CLBA1: variants seen among roughly 807,000 people sequenced by gnomAD.
The protein encoded by CLBA1 is uncharacterized protein CLBA1.
A neutral mutation model predicts 28.8 loss-of-function variants in CLBA1; 30 were observed. The observed-to-expected ratio is 1.04, with a 90% CI of 0.78 to 1.41. CLBA1 has a LOEUF of 1.41. Among genes scored for constraint, CLBA1 ranks in the 40% most tolerant of loss-of-function variants. CLBA1 has a pLI of 0.00. For synonymous variants in CLBA1, 160 were observed against 152.8 expected (o/e 1.05, Z -0.35); for missense variants, 451 against 412.3 (o/e 1.09, Z -0.81).
rs981145477 is a variant in CLBA1 at position 104,986,047 on chromosome 14, C to A, written c.-385C>A. On this transcript the variant is annotated 5_prime_UTR_variant, in exon 1 of 5. Coordinates refer to ENST00000547315, the MANE Select transcript of CLBA1 (RefSeq NM_174891.4). ...CCTTCCCACTTGGGACTCCCGCGGG[C>A]GCCCGGCTCTCGCTCCTCTGGCCAG... 3.9e-6 allele frequency: 1 copy of A among 254,542 alleles called. No individual in the cohort carries two copies. Among genetic ancestry groups the A allele is most frequent in the East Asian group, 9.8e-5 (1 of 10,168 alleles). 15.8% of individuals were successfully genotyped at this position (254,542 alleles called of 1,614,324 possible). A position where few individuals can be genotyped will look rare whatever the true frequency, so the allele number is the denominator to read the frequency against.
downstream of CLBA1, among the ~76,000 whole-genome samples, chr14:104,999,897 A>G (rs1900233838): frequency 6.6e-6 from 1 of 152,246 alleles, no homozygotes; most frequent in African/African-American, 2.4e-5. Context: ...AAAAGAGCAA[A>G]TTAAACCAAA....
chr14:104,991,593 T>C lies in CLBA1; in HGVS notation c.672T>C (p.Leu224=). The C allele has an allele frequency of 1.2e-6, 2 of 1,613,410 alleles. No individual in the cohort carries two copies. Among genetic ancestry groups the C allele is most frequent in the Non-Finnish European group, 1.7e-6 (2 of 1,179,678 alleles). ...SESRCQENFF[L]VLGIDAAQKN... ...CCCGTTGCCAGGAGAACTTCTTTCT[T>C]GTTCTCGGAATAGATGCTGCGCAGA... Residue 224 remains leucine, a synonymous_variant, in exon 3 of 5, where the codon CTT becomes CTC. Transcript: ENST00000547315.
At chr14:104,990,810 A>C (rs1440908750) in intron 2 of CLBA1, 2 of 153,430 alleles carry the variant, frequency 1.3e-5, no homozygotes, top group Non-Finnish European at 2.9e-5. Context: ...GAACAAAACC[A>C]GCAAAATATC....
At chr14:104,991,721 T>G (rs988536890) in intron 3 of CLBA1, 101 bp downstream of exon 3, 7 of 1,433,046 alleles carry the variant, frequency 4.9e-6, no homozygotes, top group Non-Finnish European at 6.5e-6. Flanking sequence ...CAGGCAGAGG[T>G]GTGGGTTCAG....
Position 104,993,081 on chromosome 14 carries a change from G to A in CLBA1, c.816+17G>A. On this transcript the variant is annotated intron_variant, in intron 4 of 4. Transcript: ENST00000547315. ...CAGACCAAGGTGAGTGGTCACCAAG[G>A]AGAGGCCTCAGGGAACCGCGCTGGC... is the stretch of plus-strand genomic sequence containing the variant. 2 of 1,609,760 alleles carry A rather than the reference G, an allele frequency of 1.2e-6. No individual in the cohort carries two copies.
At chr14:104,999,826 G>T (rs1414844375), downstream of CLBA1, among the ~76,000 whole-genome samples, 3 of 152,218 alleles carry the variant, frequency 2.0e-5, no homozygotes, top group Non-Finnish European at 4.4e-5. Flanking sequence ...AGCTTTAAAT[G>T]TTTATATTAG....
In CLBA1 at chr14:104,988,888, A is replaced by G. The variant is rs577571539; in HGVS notation, c.424-55A>G. The G allele has an allele frequency of 1.3e-5, 19 of 1,487,000 alleles. No individual in the cohort carries two copies. The South Asian group carries it at 1.9e-4, about 15-fold the overall frequency. The allele number at this position is 1,487,000 out of a possible 1,614,324, so 92.1% of individuals were successfully genotyped here. Reference sequence around the variant, plus strand: ...ACAATTATTTCTTTGGAATAAGGTAACGTTATGTATGTCTTTCTCCTAACT... The same window carrying G: ...ACAATTATTTCTTTGGAATAAGGTAGCGTTATGTATGTCTTTCTCCTAACT... On this transcript the variant is annotated intron_variant, in intron 1 of 4. Transcript: ENST00000547315.
rs1899853484 is a variant in CLBA1 at position 104,986,321 on chromosome 14, G to A, written c.-111G>A. 3 of 1,172,608 alleles carry A rather than the reference G, an allele frequency of 2.6e-6. No individual in the cohort carries two copies. In the African/African-American group the frequency reaches 4.6e-5, roughly 18 times the overall value. The allele number at this position is 1,172,608 out of a possible 1,614,324, so 72.6% of individuals were successfully genotyped here. ...CCGGGGCACTCCTGCAGCGTCCCCT[G>A]GCCCTCTCCAGGGCAGGGGAAGGTT... is the stretch of plus-strand genomic sequence containing the variant. On this transcript the variant is annotated 5_prime_UTR_variant, in exon 1 of 5. Coordinates refer to ENST00000547315, the MANE Select transcript of CLBA1 (RefSeq NM_174891.4).
At chr14:104,992,911 G>A (rs1444531585) in intron 3 of CLBA1, 37 bp from the exon 4 acceptor site, 1 of 1,485,020 alleles carries the variant, frequency 6.7e-7, no homozygotes, top group Admixed American at 1.7e-5. Flanking sequence ...ACAAAATGAT[G>A]ACTGTACCGG....
At position 104,991,478 on chromosome 14, in the gene CLBA1, A is replaced by G. The variant is rs1900017999; in HGVS notation, c.570-13A>G. 1 of 1,613,510 alleles carries G rather than the reference A, an allele frequency of 6.2e-7. No individual in the cohort carries two copies. The highest frequency in any genetic ancestry group is 8.5e-7 in the Non-Finnish European group (1 of 1,179,650). ...CTCAAGGTCACCTTTTAACAAGTGC[A>G]TCTGTTTTCCAGTAACGAATCCAGA... On this transcript the variant is annotated splice_polypyrimidine_tract_variant and intron_variant, in intron 2 of 4. Coordinates refer to ENST00000547315, the MANE Select transcript of CLBA1 (RefSeq NM_174891.4).
At chr14:104,998,985 G>C (rs536463862), downstream of CLBA1, among the ~76,000 whole-genome samples, 1 of 152,242 alleles carries the variant, frequency 6.6e-6, no homozygotes, top group Non-Finnish European at 1.5e-5. Context: ...TGCAGTCAGT[G>C]CTGAGTAGAG....
chr14:104,994,184 T>G, intron 4 of CLBA1: 1 of 985,408 alleles, frequency 1.0e-6, no homozygotes, highest in Non-Finnish European at 1.2e-6. Context: ...GTGGCTGTGT[T>G]GTTCACAGCA....
In CLBA1 at chr14:104,992,993, A is replaced by C. The variant is rs1362431025; in HGVS notation, c.745A>C (p.Lys249Gln). 1 of 1,614,052 alleles carries C rather than the reference A, an allele frequency of 6.2e-7. No individual in the cohort carries two copies. The change falls in exon 4 of 5, where the codon AAA becomes CAA. Residue 249 changes from lysine to glutamine, a missense_variant. Transcript: ENST00000547315. Reference protein sequence around the residue: ...QGHIMEDCDLKEPEGLLTVSS... With the variant: ...QGHIMEDCDLQEPEGLLTVSS... ...CCACATCATGGAAGATTGTGACCTC[A>C]AAGAGCCTGAAGGACTCCTCACTGT...
intron 2 of CLBA1, among the ~76,000 whole-genome samples, chr14:105,001,069 A>T (rs1228106769): frequency 7.8e-5 from 2 of 25,610 alleles, no homozygotes; most frequent in African/African-American, 1.9e-4. Context: ...TTCAGCTGTA[A>T]AAAAAAAAAA....
Position 104,989,035 on chromosome 14 carries a change from C to T in CLBA1, c.516C>T (p.Phe172=), listed in dbSNP as rs1899945541. ...AAEDVSTIDH[F]LEISSEEKPG... Reference sequence around the variant, plus strand: ...AAGACGTTTCCACCATAGACCATTTCCTAGAAATAAGCAGTGAAGAAAAAC... The same window carrying T: ...AAGACGTTTCCACCATAGACCATTTTCTAGAAATAAGCAGTGAAGAAAAAC... The change falls in exon 2 of 5, where the codon TTC becomes TTT. Residue 172 remains phenylalanine, a synonymous_variant. Transcript: ENST00000547315. 6.2e-7 allele frequency: 1 copy of T among 1,613,612 alleles called. No individual in the cohort carries two copies. Among genetic ancestry groups the T allele is most frequent in the Non-Finnish European group, 8.5e-7 (1 of 1,179,752 alleles).
At chr14:104,995,590 TAAGC>T (rs565331676), downstream of CLBA1, 99 of 827,702 alleles carry the variant, frequency 1.2e-4, no homozygotes, top group African/African-American at 2.2e-4. Context: ...CCTGAAGTCT[TAAGC>T]AAGCAGCCAC....
At chr14:104,998,239 C>A (rs1357371465), downstream of CLBA1, among the ~76,000 whole-genome samples, 1 of 149,604 alleles carries the variant, frequency 6.7e-6, no homozygotes, top group Non-Finnish European at 1.5e-5. Flanking sequence ...AGACCCCCAT[C>A]TCTACAAAAA....
downstream of CLBA1, among the ~76,000 whole-genome samples, chr14:104,998,454 C>T (rs1214358630): frequency 6.6e-6 from 1 of 151,862 alleles, no homozygotes; most frequent in Non-Finnish European, 1.5e-5. Context: ...AGTTGGTTAA[C>T]TACTAAAAGG....
rs1490697486 is a variant in CLBA1, at chr14:104,986,847, C to T, written c.416C>T (p.Pro139Leu). Residue 139 changes from proline (P) to leucine (L), a missense_variant, in exon 1 of 5, where the codon CCT (proline) becomes CTT (leucine). By Grantham distance (98) the Pro-to-Leu change is moderately conservative. Transcript: ENST00000547315. ...GTGACAGGAACTTCTGCCGTCCCAC[C>T]TTCTGAGGTATTTCTGCTGTGCTGT... ...PWVTGTSAVP[P>L]SEPILSYENI... 1.9e-6 allele frequency: 3 copies of T among 1,612,966 alleles called. No individual in the cohort carries two copies. Among genetic ancestry groups the T allele is most frequent in the Non-Finnish European group, 2.5e-6 (3 of 1,179,874 alleles).
Sources: allele counts gnomAD v4.1 joint callset (sites outside exome capture counted in the v4.1 genomes callset), GRCh38; gene constraint gnomAD v4.1.1; transcripts MANE v1.5; gene names NCBI Gene and HGNC (gene_info 2026-07-23, HGNC 2026-07-21).